FNDC5: variants seen among roughly 807,000 people sequenced by gnomAD.
FNDC5 encodes fibronectin type III domain-containing protein 5.
Under a neutral mutation model 24.6 loss-of-function variants are expected in FNDC5, and 10 were observed. The observed-to-expected ratio is 0.41, with a 90% CI of 0.25 to 0.69. FNDC5 has a LOEUF of 0.69. FNDC5 is among the 30% of genes least tolerant of loss of function. The probability of loss-of-function intolerance (pLI) is 0.34; values close to 1 mark genes in which losing one functional copy is unlikely to be tolerated. For missense variants in FNDC5, 226 were observed against 282.9 expected (o/e 0.80, Z 1.44); for synonymous variants, 90 against 110.7 (o/e 0.81, Z 1.18).
rs562887636 is a variant in FNDC5, at chr1:32,867,992, G to A, written c.410-150C>T. ...GCACTGATGGCTACTTGGGGTGGCA[G>A]TGATAGGACCAAGTCTAAAGGGAGT... On this transcript the variant is annotated intron_variant, in intron 3 of 5. Transcript: ENST00000373471. The A allele has an allele frequency of 3.9e-6, 4 of 1,019,600 alleles. No individual in the cohort carries two copies. In the South Asian group the frequency reaches 5.9e-5, roughly 15 times the overall value. The allele number at this position is 1,019,600 out of a possible 1,614,324, so 63.2% of individuals were successfully genotyped here. A position where few individuals can be genotyped will look rare whatever the true frequency, so the allele number is the denominator to read the frequency against.
chr1:32,869,704 A>T (rs999380061), intron 1 of FNDC5, among the ~76,000 whole-genome samples: 4 of 152,042 alleles, frequency 2.6e-5, no homozygotes, highest in Admixed American at 6.5e-5. Flanking sequence ...ATGAATGAGG[A>T]ATCACTCCAG....
Position 32,862,637 on chromosome 1 carries a change from A to G in FNDC5, c.*1657T>C, listed in dbSNP as rs1183976868. On this transcript the variant is annotated 3_prime_UTR_variant, in exon 6 of 6. Coordinates refer to ENST00000373471, the MANE Select transcript of FNDC5 (RefSeq NM_153756.3). ...TCATTTCAACAAATATTTACTGAGT[A>G]CCAGGCTTGCACTAGGTGTGGTTCT... 1 of 152,624 alleles carries G rather than the reference A, an allele frequency of 6.6e-6. No individual in the cohort carries two copies. The highest frequency in any genetic ancestry group is 1.5e-5 in the Non-Finnish European group (1 of 68,038). 9.5% of individuals were successfully genotyped at this position (152,624 alleles called of 1,614,324 possible).
chr1:32,864,663 C>A lies in FNDC5; in HGVS notation c.633+1G>T. On this transcript the variant is annotated splice_donor_variant, in intron 5 of 5. Coordinates refer to ENST00000373471, the MANE Select transcript of FNDC5 (RefSeq NM_153756.3). LOFTEE classifies it high-confidence loss of function. ...CACCCAGGCCCAGGTCTTGCCCTCACCTTGCTGCGGAGAAGCCCCCCGCCC... is the reference window on the plus strand; with the variant it reads ...CACCCAGGCCCAGGTCTTGCCCTCAACTTGCTGCGGAGAAGCCCCCCGCCC... The A allele has an allele frequency of 1.9e-6, 3 of 1,614,026 alleles. No homozygotes were observed. The highest frequency in any genetic ancestry group is 1.3e-5 in the African/African-American group (1 of 75,056).
intron 4 of FNDC5, among the ~76,000 whole-genome samples, chr1:32,865,019 C>A (rs1429217487): frequency 6.6e-6 from 1 of 152,176 alleles, no homozygotes; most frequent in African/African-American, 2.4e-5. Flanking sequence ...TCTGATCATA[C>A]CTCCTCCTCT....
chr1:32,864,286 A>G lies in FNDC5; in HGVS notation c.*8T>C, dbSNP rs1376576248. On this transcript the variant is annotated 3_prime_UTR_variant, in exon 6 of 6. Coordinates refer to ENST00000373471, the MANE Select transcript of FNDC5 (RefSeq NM_153756.3). ...CTTAGCTGCTGAGGGCAAGCACTGAAAAGGTTTTCATATCTGTTTTACAGA... is the reference window on the plus strand; with the variant it reads ...CTTAGCTGCTGAGGGCAAGCACTGAGAAGGTTTTCATATCTGTTTTACAGA... 1.2e-6 allele frequency: 2 copies of G among 1,614,016 alleles called. No individual in the cohort carries two copies. Among genetic ancestry groups the G allele is most frequent in the Admixed American group, 3.3e-5 (2 of 59,994 alleles).
At chr1:32,864,467 C>A in intron 5 of FNDC5, 168 bp from the exon 6 acceptor site, 2 of 1,478,208 alleles carry the variant, frequency 1.4e-6, no homozygotes, top group South Asian at 2.8e-5. Flanking sequence ...TTCAAATCAC[C>A]ACTGGCCCCT....
intron 1 of FNDC5, among the ~76,000 whole-genome samples, chr1:32,869,235 G>A (rs955430463): frequency 5.9e-5 from 9 of 152,242 alleles, no homozygotes; most frequent in African/African-American, 1.7e-4. Flanking sequence ...GCCACAGGCC[G>A]GCCCCATGAG....
chr1:32,868,109 G>A lies in FNDC5; in HGVS notation c.409+81C>T. 2.7e-6 allele frequency: 4 copies of A among 1,509,076 alleles called. No homozygotes were observed. Among genetic ancestry groups the A allele is most frequent in the Non-Finnish European group, 3.6e-6 (4 of 1,101,670 alleles). The allele number at this position is 1,509,076 out of a possible 1,614,324, so 93.5% of individuals were successfully genotyped here. A position where few individuals can be genotyped will look rare whatever the true frequency, so the allele number is the denominator to read the frequency against. On this transcript the variant is annotated intron_variant, in intron 3 of 5. Transcript: ENST00000373471. This position sits in a 1 kb window ranked among gnomAD's most constrained non-coding sequence, Gnocchi z 4.8. ...CAGGGGATAAGGGGGAGGAGACAGA[G>A]CTTTCCTCAAGCCACCCACTGGTCT...
chr1:32,865,085 C>T (rs979014271), intron 4 of FNDC5, among the ~76,000 whole-genome samples: 1 of 152,018 alleles, frequency 6.6e-6, no homozygotes, highest in Non-Finnish European at 1.5e-5. Context: ...CCTGTTAATT[C>T]CAGCACTTTG....
At chr1:32,865,836 A>G (rs1333402944) in intron 4 of FNDC5, among the ~76,000 whole-genome samples, 1 of 152,186 alleles carries the variant, frequency 6.6e-6, no homozygotes, top group Non-Finnish European at 1.5e-5. Flanking sequence ...AAGTGAGGAC[A>G]CTGATGCAGA....
At position 32,868,453 on chromosome 1, in the gene FNDC5, C is replaced by T. The variant is rs753519854; in HGVS notation, c.211-65G>A. On this transcript the variant is annotated intron_variant, in intron 2 of 5. Coordinates refer to ENST00000373471, the MANE Select transcript of FNDC5 (RefSeq NM_153756.3). The surrounding 1 kb of genome is among the most constrained non-coding windows in gnomAD (Gnocchi z 4.8). ...ACCAGCCCCGCTCCTGCCCACCTCC[C>T]AGTGGTGACAAAGCCTTTACATACA... 1 of 1,524,808 alleles carries T rather than the reference C, an allele frequency of 6.6e-7. No homozygotes were observed. The highest frequency in any genetic ancestry group is 8.9e-7 in the Non-Finnish European group (1 of 1,122,740). The allele number at this position is 1,524,808 out of a possible 1,614,324, so 94.5% of individuals were successfully genotyped here.
At chr1:32,871,021 C>T (rs1641175812), upstream of FNDC5, 1 of 149,734 alleles carries the variant, frequency 6.7e-6, no homozygotes. Context: ...GGAGGGCGCC[C>T]CCACTCCCGC....
intron 4 of FNDC5, 41 bp from the exon 5 acceptor site, chr1:32,864,838 G>T (rs1314255304): frequency 3.7e-6 from 6 of 1,609,584 alleles, no homozygotes; most frequent in African/African-American, 1.3e-5. Flanking sequence ...CAGAGCCTGG[G>T]TTCCTGCCTC....
chr1:32,870,650 T>A lies in FNDC5; in HGVS notation c.94+3A>T. On this transcript the variant is annotated splice_donor_region_variant and intron_variant, in intron 1 of 5. Transcript: ENST00000373471. ...GCCGGCCCCCCGCCCCGGGCCCCCT[T>A]ACCCGCCTGCACCAGCGCGAAGCAG... 1 of 1,202,066 alleles carries A rather than the reference T, an allele frequency of 8.3e-7. No homozygotes were observed. Among genetic ancestry groups the A allele is most frequent in the Non-Finnish European group, 1.0e-6 (1 of 968,858 alleles). The allele number at this position is 1,202,066 out of a possible 1,614,324, so 74.5% of individuals were successfully genotyped here.
At chr1:32,864,883 C>G (rs1641041619) in intron 4 of FNDC5, 86 bp from the exon 5 acceptor site, 2 of 1,558,572 alleles carry the variant, frequency 1.3e-6, no homozygotes, top group Non-Finnish European at 1.7e-6. Flanking sequence ...TGCCAATGGT[C>G]TCTCCAGATT....
upstream of FNDC5, chr1:32,870,976 G>C (rs1001958026): frequency 6.7e-6 from 1 of 148,688 alleles, no homozygotes; most frequent in Admixed American, 6.7e-5. Context: ...GGGCGCCCCC[G>C]CTGCGGGGAG....
At chr1:32,869,537 A>C (rs1471308592) in intron 1 of FNDC5, among the ~76,000 whole-genome samples, 1 of 152,218 alleles carries the variant, frequency 6.6e-6, no homozygotes, top group African/African-American at 2.4e-5. Context: ...GTGGTGGCCC[A>C]GGCAGAATAA....
chr1:32,871,687 A>T (rs1009189577), upstream of FNDC5, among the ~76,000 whole-genome samples: 2 of 152,154 alleles, frequency 1.3e-5, no homozygotes, highest in African/African-American at 4.8e-5. Flanking sequence ...ACACAGGCTG[A>T]TCTGACTCCC....
intron 5 of FNDC5, 152 bp downstream of exon 5, chr1:32,864,512 T>G: frequency 1.3e-6 from 2 of 1,508,156 alleles, no homozygotes; most frequent in Admixed American, 4.5e-5. Flanking sequence ...CAAAATCAAC[T>G]TGCAGTGTCC....
Sources: allele counts gnomAD v4.1 joint callset (sites outside exome capture counted in the v4.1 genomes callset), GRCh38; gene constraint gnomAD v4.1.1; non-coding constraint Gnocchi (gnomAD v3.1); transcripts MANE v1.5; gene names NCBI Gene and HGNC (gene_info 2026-07-23, HGNC 2026-07-21).